CTNNA3: variants seen among roughly 807,000 people sequenced by gnomAD.
CTNNA3 encodes catenin alpha-3.
In CTNNA3, 76 loss-of-function variants were observed where a neutral mutation model predicts 95.7. The ratio of observed to expected loss-of-function variants is 0.79; its 90% CI spans 0.66 to 0.96. The LOEUF (loss-of-function observed/expected upper bound fraction) is 0.96, where lower values mean the gene tolerates loss of function less well. Among genes scored for constraint, CTNNA3 ranks in the 40% least tolerant of loss-of-function variants. The pLI, the probability that CTNNA3 is intolerant of heterozygous loss-of-function variation, is 0.00. For synonymous variants in CTNNA3, 431 were observed against 374.4 expected, an observed-to-expected ratio of 1.15 and a Z score of -1.74; for missense variants, 1,191 against 1,089.8, an observed-to-expected ratio of 1.09 and a Z score of -1.31.
intron 13 of CTNNA3, among the ~76,000 whole-genome samples, chr10:66,149,802 T>C (rs1388907342): frequency 6.6e-6 from 1 of 152,036 alleles, no homozygotes; most frequent in East Asian, 1.9e-4. Flanking sequence ...ATTTTTATAG[T>C]CTTTCACTTT....
At chr10:66,970,502 T>TGTG (rs1849658990) in intron 7 of CTNNA3, among the ~76,000 whole-genome samples, 3 of 138,522 alleles carry the variant, frequency 2.2e-5, no homozygotes, top group Admixed American at 1.5e-4. Context: ...TATTCTTGGG[T>TGTG]GGGGGGGGGA....
chr10:67,464,840 C>T (rs985215720), intron 5 of CTNNA3, among the ~76,000 whole-genome samples: 8 of 150,210 alleles, frequency 5.3e-5, no homozygotes, highest in African/African-American at 1.5e-4. Flanking sequence ...CGTTTCTTAT[C>T]ATCCTCTTCA....
rs903762362 is a variant in CTNNA3, at chr10:66,204,218, C to T, written c.1884+76252G>A. On this transcript the variant is annotated intron_variant, in intron 13 of 17. Coordinates refer to ENST00000433211, the MANE Select transcript of CTNNA3 (RefSeq NM_013266.4). ...ATCTCTTCACTTCTAGGCTACTCCA[C>T]ATAGCAGTGAAGTGTTCTTTGGTTG... Among the ~76,000 whole-genome samples the T allele has an allele frequency of 2.0e-5, 3 of 152,136 alleles. No homozygotes were observed. In the East Asian group the frequency reaches 5.8e-4, roughly 29 times the overall value.
intron 11 of CTNNA3, among the ~76,000 whole-genome samples, chr10:66,470,029 G>A (rs1589294262): frequency 6.6e-6 from 1 of 151,724 alleles, no homozygotes; most frequent in East Asian, 1.9e-4. Context: ...TTTTGAGAAG[G>A]ATCCACTTTA....
At chr10:66,633,487 T>C (rs1845220861) in intron 9 of CTNNA3, among the ~76,000 whole-genome samples, 1 of 152,062 alleles carries the variant, frequency 6.6e-6, no homozygotes, top group Non-Finnish European at 1.5e-5. Context: ...AAGACCATCC[T>C]GGCTAACATG....
intron 15 of CTNNA3, among the ~76,000 whole-genome samples, chr10:66,048,760 C>CA (rs200113070): frequency 1.4e-3 from 207 of 151,080 alleles, no homozygotes; most frequent in South Asian, 9.7e-3. Flanking sequence ...GACTCCATCT[C>CA]AAAAAAAACA....
At chr10:66,651,912 C>T (rs1349008580) in intron 9 of CTNNA3, among the ~76,000 whole-genome samples, 1 of 151,972 alleles carries the variant, frequency 6.6e-6, no homozygotes, top group Non-Finnish European at 1.5e-5. Context: ...CTAAAAGGCT[C>T]CTCAAATGGT....
At chr10:66,304,352 G>A (rs61397413) in intron 12 of CTNNA3, among the ~76,000 whole-genome samples, 1,532 of 152,194 alleles carry the variant, frequency 0.01, 27 homozygotes, top group African/African-American at 0.035. Context: ...TCGTAAATCT[G>A]AACAGCCACA....
At chr10:67,700,804 G>A (rs1053108547), upstream of CTNNA3, among the ~76,000 whole-genome samples, 2 of 152,148 alleles carry the variant, frequency 1.3e-5, no homozygotes, top group Non-Finnish European at 2.9e-5. Flanking sequence ...GAGAGAAGAA[G>A]GCTTCAGACG....
At chr10:66,445,488 GCAAT>G (rs2093413198) in intron 11 of CTNNA3, among the ~76,000 whole-genome samples, 1 of 152,062 alleles carries the variant, frequency 6.6e-6, no homozygotes, top group African/African-American at 2.4e-5. Context: ...AAACCACAGT[GCAAT>G]CAAACTAGAA....
chr10:67,261,674 A>G (rs969475099), intron 5 of CTNNA3, among the ~76,000 whole-genome samples: 4 of 152,338 alleles, frequency 2.6e-5, no homozygotes, highest in Non-Finnish European at 5.9e-5. Context: ...TTTATAGCTC[A>G]AAGAGGCTGT....
chr10:67,016,568 G>A (rs1199575098), intron 7 of CTNNA3, among the ~76,000 whole-genome samples: 5 of 152,202 alleles, frequency 3.3e-5, no homozygotes, highest in Admixed American at 2.0e-4. Context: ...AGTCTCAGGC[G>A]GGATTTCTAC....
intron 1 of CTNNA3, among the ~76,000 whole-genome samples, chr10:67,726,639 AAT>A (rs1177582489): frequency 5.6e-4 from 1 of 1,780 alleles, no homozygotes; most frequent in Non-Finnish European, 1.1e-3. Flanking sequence ...TATTATATAT[AAT>A]ATATACTATA....
chr10:66,487,269 T>G (rs1433451255), intron 11 of CTNNA3, among the ~76,000 whole-genome samples: 1 of 130,444 alleles, frequency 7.7e-6, no homozygotes, highest in Non-Finnish European at 1.6e-5. Context: ...TGGCGCGATC[T>G]CGGCTCACTG....
chr10:65,962,088 A>G (rs938103362), intron 17 of CTNNA3, among the ~76,000 whole-genome samples: 1 of 152,170 alleles, frequency 6.6e-6, no homozygotes, highest in Non-Finnish European at 1.5e-5. Flanking sequence ...CTATAAAGGT[A>G]CATTGGAATC....
intron 5 of CTNNA3, among the ~76,000 whole-genome samples, chr10:67,305,484 C>T (rs768363038): frequency 1.3e-5 from 2 of 151,398 alleles, no homozygotes; most frequent in Admixed American, 6.6e-5. Context: ...AAAGAAGGGT[C>T]TTGTACCCTA....
At chr10:66,150,605 T>C (rs2084150620) in intron 13 of CTNNA3, among the ~76,000 whole-genome samples, 2 of 151,950 alleles carry the variant, frequency 1.3e-5, no homozygotes, top group East Asian at 1.9e-4. Context: ...AACTAAGATA[T>C]CCATTATCTC....
At chr10:65,959,098 G>A (rs986998978) in intron 17 of CTNNA3, among the ~76,000 whole-genome samples, 1 of 152,140 alleles carries the variant, frequency 6.6e-6, no homozygotes, top group Non-Finnish European at 1.5e-5. Context: ...AATGGCAGAC[G>A]CCCCTCCCAC....
At chr10:66,722,659 C>G (rs1181504844) in intron 9 of CTNNA3, among the ~76,000 whole-genome samples, 1 of 151,830 alleles carries the variant, frequency 6.6e-6, no homozygotes, top group African/African-American at 2.4e-5. Flanking sequence ...GACCCTCCAA[C>G]CAAATTTGTG....
Sources: gnomAD v4.1 joint callset for allele counts (sites outside exome capture counted in the v4.1 genomes callset) on GRCh38, gnomAD v4.1.1 for gene constraint, MANE v1.5 for transcripts, NCBI Gene and HGNC (gene_info 2026-07-23, HGNC 2026-07-21) for gene names.